The following DDX10 variants were observed in gnomAD, a reference collection of about 807,000 sequenced individuals.
DDX10 encodes probable ATP-dependent RNA helicase DDX10.
A neutral mutation model predicts 104.3 loss-of-function variants in DDX10; 74 were observed. The ratio of observed to expected loss-of-function variants is 0.71; its 90% CI spans 0.59 to 0.86. The LOEUF is 0.86. Among genes scored for constraint, DDX10 ranks in the 40% least tolerant of loss-of-function variants. The pLI is 0.00. For missense variants in DDX10, 952 were observed against 1,040.0 expected, an observed-to-expected ratio of 0.92 and a Z score of 1.16; for synonymous variants, 351 against 353.4, an observed-to-expected ratio of 0.99 and a Z score of 0.08.
chr11:108,695,172 T>C (rs1287254783), intron 9 of DDX10, among the ~76,000 whole-genome samples: 1 of 152,186 alleles, frequency 6.6e-6, no homozygotes, highest in African/African-American at 2.4e-5. Context: ...CTGAATAAAG[T>C]TTCAATGTAC....
intron 13 of DDX10, among the ~76,000 whole-genome samples, chr11:108,742,021 G>T (rs543085726): frequency 6.6e-6 from 1 of 152,324 alleles, no homozygotes; most frequent in African/African-American, 2.4e-5. Context: ...CACTTTGGGA[G>T]GCCAAGGTGG....
intron 16 of DDX10, among the ~76,000 whole-genome samples, chr11:108,891,331 T>C (rs934996495): frequency 6.6e-6 from 1 of 152,172 alleles, no homozygotes; most frequent in African/African-American, 2.4e-5. Context: ...CATGTTTCAC[T>C]CTCCTCCTGA....
chr11:108,936,572 C>A lies in DDX10; in HGVS notation c.2451-3674C>A, dbSNP rs575152968. 4.6e-5 allele frequency among the ~76,000 whole-genome samples: 7 copies of A among 152,004 alleles called. No homozygotes were observed. The East Asian group carries it at 1.3e-3, about 29-fold the overall frequency. ...TTTTCTATGCAAACTTACATATAGACTTTTTAAAATACAAATGGACTCTCT... is the reference window on the plus strand; with the variant it reads ...TTTTCTATGCAAACTTACATATAGAATTTTTAAAATACAAATGGACTCTCT... On this transcript the variant is annotated intron_variant, in intron 17 of 17. Transcript: ENST00000322536.
chr11:108,846,231 AC>A (rs1401721235), intron 15 of DDX10, among the ~76,000 whole-genome samples: 1 of 152,208 alleles, frequency 6.6e-6, no homozygotes, highest in Non-Finnish European at 1.5e-5. Context: ...AATTAACATA[AC>A]CATCACTTCA....
chr11:108,863,451 A>C (rs1348237317), intron 16 of DDX10, among the ~76,000 whole-genome samples: 1 of 152,190 alleles, frequency 6.6e-6, no homozygotes, highest in Non-Finnish European at 1.5e-5. Flanking sequence ...TCAGCTATGT[A>C]CATTAGTTTT....
Position 108,678,275 on chromosome 11 carries a change from G to T in DDX10, c.538-40G>T, listed in dbSNP as rs532892617. The T allele has an allele frequency of 1.9e-6, 3 of 1,593,784 alleles. No individual in the cohort carries two copies. The African/African-American group carries it at 4.0e-5, about 21-fold the overall frequency. ...AGCTTTGGTACACAGGCTGCTGAGA[G>T]TGATGTGTCTGTGTAATCAAAATAA... On this transcript the variant is annotated intron_variant, in intron 4 of 17. Transcript: ENST00000322536.
intron 16 of DDX10, among the ~76,000 whole-genome samples, chr11:108,902,832 T>C (rs538334518): frequency 1.3e-5 from 2 of 152,166 alleles, no homozygotes; most frequent in Non-Finnish European, 2.9e-5. Context: ...ATTTTTACAT[T>C]ATTAAATAAT....
At chr11:108,711,658 T>G (rs1349235401) in intron 10 of DDX10, among the ~76,000 whole-genome samples, 1 of 152,216 alleles carries the variant, frequency 6.6e-6, no homozygotes, top group Non-Finnish European at 1.5e-5. Context: ...TTAATTCCAT[T>G]GTGGTCTGAA....
intron 13 of DDX10, among the ~76,000 whole-genome samples, chr11:108,789,946 A>G (rs78911690): frequency 0.025 from 3,850 of 152,268 alleles, 109 homozygotes; most frequent in African/African-American, 0.07. Flanking sequence ...CTCCGAACCA[A>G]TTAAATCAGA....
intron 16 of DDX10, among the ~76,000 whole-genome samples, chr11:108,865,365 C>T (rs1410898099): frequency 6.6e-6 from 1 of 152,140 alleles, no homozygotes; most frequent in African/African-American, 2.4e-5. Flanking sequence ...TTCTGTTTTT[C>T]AGGAGCCGAT....
In DDX10 at chr11:108,748,336, T is replaced by TA. The variant is rs201904821; in HGVS notation, c.1965+24876dup. Among the ~76,000 whole-genome samples the TA allele has an allele frequency of 8.9e-4, 136 of 152,298 alleles. 1 individual carries two copies. The East Asian group carries it at 0.022, about 24-fold the overall frequency. ...AGCTCCAAATTATTACAGGGGACTT[T>TA]AACTCTCCTTTGTCAGCAAATGATA... On this transcript the variant is annotated intron_variant, in intron 13 of 17. Coordinates refer to ENST00000322536, the MANE Select transcript of DDX10 (RefSeq NM_004398.4).
At chr11:108,718,354 A>G (rs762669532) in intron 11 of DDX10, among the ~76,000 whole-genome samples, 1 of 152,222 alleles carries the variant, frequency 6.6e-6, no homozygotes, top group Admixed American at 6.5e-5. Flanking sequence ...GAACCTTTTC[A>G]TTAAAGGATC....
intron 10 of DDX10, among the ~76,000 whole-genome samples, chr11:108,710,699 A>T (rs553689138): frequency 6.6e-6 from 1 of 152,312 alleles, no homozygotes; most frequent in Admixed American, 6.5e-5. Context: ...ATAGTTGTTT[A>T]TCATTTTCAA....
chr11:108,774,480 T>G (rs2134530777), intron 13 of DDX10, among the ~76,000 whole-genome samples: 1 of 152,354 alleles, frequency 6.6e-6, no homozygotes, highest in Non-Finnish European at 1.5e-5. Flanking sequence ...TTGGGTATAC[T>G]CAATACATTA....
At chr11:108,749,064 CTCTCTTTCTCTCTCTCTCTCTCTA>C (rs2094335219) in intron 13 of DDX10, among the ~76,000 whole-genome samples, 1 of 150,920 alleles carries the variant, frequency 6.6e-6, no homozygotes. Context: ...CTCTCTCTCT[CTCTCTTTCTCTCTCTCTCTCTCTA>C]TATATATATT....
chr11:108,691,054 A>G (rs112415747), intron 7 of DDX10: 3 of 152,270 alleles, frequency 2.0e-5, no homozygotes, highest in Non-Finnish European at 4.4e-5. Flanking sequence ...TCCCAGAATC[A>G]GAACCTCCCT....
At chr11:108,824,235 G>A (rs888781897) in intron 13 of DDX10, among the ~76,000 whole-genome samples, 1 of 152,150 alleles carries the variant, frequency 6.6e-6, no homozygotes, top group East Asian at 1.9e-4. Context: ...TAGAGATGGG[G>A]TTTCACTATG....
chr11:108,848,285 A>C (rs1333283774), intron 15 of DDX10, among the ~76,000 whole-genome samples: 1 of 152,182 alleles, frequency 6.6e-6, no homozygotes, highest in Non-Finnish European at 1.5e-5. Context: ...AGCTATGGCC[A>C]TTTAAGAGTC....
chr11:108,864,317 G>A (rs1208641299), intron 16 of DDX10, among the ~76,000 whole-genome samples: 1 of 152,010 alleles, frequency 6.6e-6, no homozygotes, highest in Admixed American at 6.6e-5. Flanking sequence ...CATTGGGGTA[G>A]GGGACTTACT....
Sources: allele counts gnomAD v4.1 joint callset (sites outside exome capture counted in the v4.1 genomes callset), GRCh38; gene constraint gnomAD v4.1.1; transcripts MANE v1.5; gene names NCBI Gene and HGNC (gene_info 2026-07-23, HGNC 2026-07-21).